The following DST variants were observed in gnomAD, a reference collection of about 807,000 sequenced individuals.
DST encodes the protein bullous pemphigoid antigen.
In DST, 253 loss-of-function variants were observed where a neutral mutation model predicts 875.2. The ratio of observed to expected loss-of-function variants is 0.29; its 90% confidence interval spans 0.26 to 0.32. The LOEUF is 0.32. Among genes scored for constraint, DST ranks in the 10% least tolerant of loss-of-function variants. DST has a pLI of 1.00. For missense variants in DST, 8,287 were observed against 9,111.6 expected (o/e 0.91, Z 3.68); for synonymous variants, 3,124 against 3,197.1 (o/e 0.98, Z 0.77).
intron 9 of DST, among the ~76,000 whole-genome samples, chr6:56,675,864 A>T (rs978864673): frequency 2.0e-5 from 3 of 152,156 alleles, no homozygotes; most frequent in African/African-American, 7.2e-5. Flanking sequence ...AAATAAATAA[A>T]TAAACAAATA....
At chr6:56,901,964 T>G (rs1291001951) in intron 2 of DST, among the ~76,000 whole-genome samples, 1 of 152,220 alleles carries the variant, frequency 6.6e-6, no homozygotes, top group Non-Finnish European at 1.5e-5. Flanking sequence ...TTAAAGTGGT[T>G]AAAGTAGTAG....
At chr6:56,753,865 T>C (rs1259678658) in intron 4 of DST, among the ~76,000 whole-genome samples, 5 of 152,230 alleles carry the variant, frequency 3.3e-5, no homozygotes, top group Non-Finnish European at 4.4e-5. Flanking sequence ...GCATATTCAT[T>C]AACTAGACAC....
chr6:56,512,907 C>T (rs1057188082), intron 72 of DST, among the ~76,000 whole-genome samples: 2 of 152,210 alleles, frequency 1.3e-5, no homozygotes, highest in African/African-American at 4.8e-5. Context: ...TGCAATCTAG[C>T]TCCTGGGCGT....
At position 56,607,816 on chromosome 6, in the gene DST, T is replaced by G; in HGVS notation, c.6812A>C (p.Glu2271Ala). 1 of 1,613,460 alleles carries G rather than the reference T, an allele frequency of 6.2e-7. No individual in the cohort carries two copies. Among genetic ancestry groups the G allele is most frequent in the African/African-American group, 1.3e-5 (1 of 75,024 alleles). The change falls in exon 40 of 104, where the codon GAA becomes GCA. Residue 2271 changes from glutamate (E) to alanine (A), a missense_variant. Transcript: ENST00000680361. The stretch of plus-strand genomic sequence containing the variant: ...GAAACTACTTGGTGTAGCTGTACAT[T>G]CATCCTTTTCTCTACCTGAAGCATT... ...LNNASGREKD[E>A]CTATPSSFNK...
intron 15 of DST, among the ~76,000 whole-genome samples, chr6:56,643,485 C>T (rs984100734): frequency 3.3e-5 from 5 of 152,170 alleles, no homozygotes; most frequent in Non-Finnish European, 7.3e-5. Flanking sequence ...TGATGCAATG[C>T]TTACAAATTT....
chr6:56,482,501 C>A (rs2095434589), intron 89 of DST, 182 bp downstream of exon 89: 7 of 598,072 alleles, frequency 1.2e-5, no homozygotes, highest in Non-Finnish European at 1.9e-5. Context: ...CTCCCTCTAG[C>A]AGTAATTTAA....
rs755388186 is a variant in DST at position 56,618,180 on chromosome 6, G to A, written c.4930-3696C>T. ...GAAAAGTACTCAGAGTAACACTGCT[G>A]GCTTTTCTCTTTCTCGAGTGGAGCC... On this transcript the variant is annotated intron_variant, in intron 36 of 103. Transcript: ENST00000680361. 1.4e-5 allele frequency: 23 copies of A among 1,614,146 alleles called. No individual in the cohort carries two copies. Among genetic ancestry groups the A allele is most frequent in the African/African-American group, 9.3e-5 (7 of 75,030 alleles).
intron 3 of DST, among the ~76,000 whole-genome samples, chr6:56,865,432 A>G (rs1773524487): frequency 6.6e-6 from 1 of 152,076 alleles, no homozygotes; most frequent in Non-Finnish European, 1.5e-5. Context: ...TTGACCTTCC[A>G]GGCTCAAGCA....
Position 56,607,104 on chromosome 6 carries a change from T to C in DST, c.7524A>G (p.Lys2508=). The change falls in exon 40 of 104, where the codon AAA becomes AAG. Residue 2508 remains lysine (K), a synonymous_variant. Coordinates refer to ENST00000680361, the MANE Select transcript of DST (RefSeq NM_001374736.1). The stretch of plus-strand genomic sequence containing the variant: ...GATTACTAGAAATCATATTTAAAGA[T>C]TTCTGTCCATACTGCTCTCCTGGTA... ...ISLPGEQYGQ[K]SLNMISSNPQ... is the part of the protein sequence containing the mutation. 6.2e-7 allele frequency: 1 copy of C among 1,613,332 alleles called. No homozygotes were observed. The highest frequency in any genetic ancestry group is 8.5e-7 in the Non-Finnish European group (1 of 1,179,606).
At chr6:56,812,252 T>C (rs1294016875) in intron 4 of DST, among the ~76,000 whole-genome samples, 2 of 152,182 alleles carry the variant, frequency 1.3e-5, no homozygotes, top group African/African-American at 2.4e-5. Context: ...CTTAATTTTA[T>C]ATCAGGCTTT....
intron 2 of DST, among the ~76,000 whole-genome samples, chr6:56,935,751 AC>A (rs34779029): frequency 6.6e-6 from 1 of 151,928 alleles, no homozygotes; most frequent in South Asian, 2.1e-4. Flanking sequence ...CATGGTGAAA[AC>A]CCGTCTCTAC....
Position 56,578,913 on chromosome 6 carries a change from G to C in DST, c.12928C>G (p.Gln4310Glu). 1 of 1,600,830 alleles carries C rather than the reference G, an allele frequency of 6.2e-7. No homozygotes were observed. Among genetic ancestry groups the C allele is most frequent in the South Asian group, 1.1e-5 (1 of 88,596 alleles). ...TKALQGQISS[Q>E]QVAVEKLKKT... ...TTCAGTTTCTCTACAGCAACCTGCTGACTTGATATCTGTCCTTGCAAAGCC... is the reference window on the plus strand; with the variant it reads ...TTCAGTTTCTCTACAGCAACCTGCTCACTTGATATCTGTCCTTGCAAAGCC... The change falls in exon 50 of 104, where the codon CAG becomes GAG. Residue 4310 changes from glutamine to glutamate, a missense_variant. By Grantham distance (29) the Gln-to-Glu change is conservative (BLOSUM62 2). Coordinates refer to ENST00000680361, the MANE Select transcript of DST (RefSeq NM_001374736.1).
intron 45 of DST, 116 bp downstream of exon 45, chr6:56,599,953 C>T: frequency 1.0e-6 from 1 of 959,464 alleles, no homozygotes; most frequent in Non-Finnish European, 1.5e-6. Context: ...CTTGGGTATG[C>T]CTTGCTTCTA....
chr6:56,643,966 T>C (rs2098927807), intron 15 of DST, among the ~76,000 whole-genome samples: 1 of 152,238 alleles, frequency 6.6e-6, no homozygotes, highest in South Asian at 2.1e-4. Context: ...TAGGCACTAT[T>C]ACATCCTGTT....
At position 56,601,071 on chromosome 6, in the gene DST, C is replaced by A. The variant is rs538852198; in HGVS notation, c.11541+372G>T. 3.9e-5 allele frequency among the ~76,000 whole-genome samples: 6 copies of A among 152,102 alleles called. No individual in the cohort carries two copies. In the South Asian group the frequency reaches 1.2e-3, roughly 32 times the overall value. ...GAAATCAGGCAATCTAGCTCCAGAGCCCATGATCTGAATTGCTGTGCTGTA... is the reference window on the plus strand; with the variant it reads ...GAAATCAGGCAATCTAGCTCCAGAGACCATGATCTGAATTGCTGTGCTGTA... On this transcript the variant is annotated intron_variant, in intron 44 of 103. Transcript: ENST00000680361.
rs1207366191 is a variant in DST, at chr6:56,568,589, G to A, written c.13885C>T (p.Gln4629Ter). Residue 4629 changes from glutamine (Q) to a stop codon, truncating the protein, a stop_gained, in exon 55 of 104, where the codon CAA becomes TAA. Coordinates refer to ENST00000680361, the MANE Select transcript of DST (RefSeq NM_001374736.1). LOFTEE classifies it high-confidence loss of function. The stretch of plus-strand genomic sequence containing the variant: ...GGTGTTTTTAAACTCCACTTTTCTT[G>A]TAATTTCTTGAGATATAAAAACACA... The part of the protein sequence containing the change: ...GKSLEDTKKL[Q>*]EKWSLKTPEI... 1 of 1,600,572 alleles carries A rather than the reference G, an allele frequency of 6.2e-7. No homozygotes were observed. Among genetic ancestry groups the A allele is most frequent in the Non-Finnish European group, 8.5e-7 (1 of 1,173,114 alleles).
chr6:56,682,987 A>G (rs958842175), intron 9 of DST, among the ~76,000 whole-genome samples: 6 of 152,244 alleles, frequency 3.9e-5, no homozygotes, highest in African/African-American at 1.4e-4. Context: ...CTCATTCTAC[A>G]AAACACTCAA....
chr6:56,724,420 G>T, intron 5 of DST, among the ~76,000 whole-genome samples: 1 of 152,198 alleles, frequency 6.6e-6, no homozygotes, highest in East Asian at 1.9e-4. Context: ...GATTCCAAGT[G>T]TTGAGTTTGT....
chr6:56,776,034 G>C (rs901873143), intron 4 of DST, among the ~76,000 whole-genome samples: 1 of 152,212 alleles, frequency 6.6e-6, no homozygotes, highest in African/African-American at 2.4e-5. Context: ...CTTTACCGCA[G>C]TCAGGTAATC....
Sources: allele counts gnomAD v4.1 joint callset (sites outside exome capture counted in the v4.1 genomes callset), GRCh38; gene constraint gnomAD v4.1.1; transcripts MANE v1.5; gene names NCBI Gene and HGNC (gene_info 2026-07-23, HGNC 2026-07-21).